Variants in MPND observed in about 807,000 individuals in gnomAD.
MPND encodes MPN domain containing, also known as MPN domain-containing protein.
In MPND, 56 loss-of-function variants were observed where a neutral mutation model predicts 59.2. That is an observed-to-expected ratio of 0.95 (90% CI 0.76 to 1.18). The LOEUF (loss-of-function observed/expected upper bound fraction) is 1.18. Among genes scored for constraint, MPND ranks in the 50% most tolerant of loss-of-function variants. The pLI, the probability that MPND is intolerant of heterozygous loss-of-function variation, is 0.00. For missense variants in MPND, 671 were observed against 676.0 expected (o/e 0.99, Z 0.08); for synonymous variants, 323 against 291.9 (o/e 1.11, Z -1.09).
Position 4,345,785 on chromosome 19 carries a change from T to C in MPND, c.335T>C (p.Ile112Thr). Residue 112 changes from isoleucine to threonine, a missense_variant, in exon 3 of 13, where the codon ATC becomes ACC. Physicochemically the swap from Ile to Thr is moderately conservative, Grantham distance 89 (BLOSUM62 -1). Coordinates refer to ENST00000599840, the MANE Select transcript of MPND (RefSeq NM_001300862.2). ...GGCGACCTGCAGCCAGACGGAAGGA[T>C]CATGTGGCAGGAGACCGGGCAGACC... The part of the protein sequence containing the change: ...FLGDLQPDGR[I>T]MWQETGQTFN... The C allele has an allele frequency of 6.2e-7, 1 of 1,613,846 alleles. No individual in the cohort carries two copies. Among genetic ancestry groups the C allele is most frequent in the Non-Finnish European group, 8.5e-7 (1 of 1,179,978 alleles).
chr19:4,343,645 A>C, intron 1 of MPND, 45 bp downstream of exon 1: 3 of 1,203,332 alleles, frequency 2.5e-6, no homozygotes, highest in Non-Finnish European at 3.1e-6. Flanking sequence ...GCGGGGCTGC[A>C]GGGGCGCGGG....
In MPND at chr19:4,354,393, T is replaced by C; in HGVS notation, c.819T>C (p.Ala273=). The C allele has an allele frequency of 1.3e-6, 2 of 1,560,152 alleles. No homozygotes were observed. Among genetic ancestry groups the C allele is most frequent in the Non-Finnish European group, 1.7e-6 (2 of 1,150,764 alleles). The change falls in exon 6 of 13, where the codon GCT becomes GCC. Residue 273 remains alanine, a synonymous_variant. Transcript: ENST00000599840. ...ACAAGTTCCAGCCGTTCAACGTGGC[T>C]GTTTCTAGCAACGTGCTGTTCCTGC... is the stretch of plus-strand genomic sequence containing the variant. ...AINKFQPFNV[A]VSSNVLFLLD... is the part of the protein sequence containing the mutation.
At chr19:4,358,318 G>C (rs1054915734) in intron 11 of MPND, 146 bp downstream of exon 11, 2 of 693,842 alleles carry the variant, frequency 2.9e-6, no homozygotes, top group Admixed American at 4.7e-5. Context: ...CCATCACTCA[G>C]GACAGAGTCC....
chr19:4,350,464 TGGGATCCAG>T (rs1972292010), intron 3 of MPND, among the ~76,000 whole-genome samples: 1 of 151,432 alleles, frequency 6.6e-6, no homozygotes, highest in African/African-American at 2.4e-5. Context: ...GGGGTTAGGG[TGGGATCCAG>T]GGACCAGGGC....
chr19:4,357,757 G>T, intron 10 of MPND, 172 bp downstream of exon 10: 1 of 663,802 alleles, frequency 1.5e-6, no homozygotes, highest in Non-Finnish European at 2.6e-6. Context: ...GTGAGGTCCT[G>T]GGCGTGGGGC....
At chr19:4,357,980 G>T in intron 10 of MPND, 103 bp from the exon 11 acceptor site, 1 of 897,964 alleles carries the variant, frequency 1.1e-6, no homozygotes. Flanking sequence ...GCTGAGCCGG[G>T]GTGTGCACTC....
At chr19:4,355,544 C>T (rs1344685809) in intron 8 of MPND, among the ~76,000 whole-genome samples, 3 of 152,232 alleles carry the variant, frequency 2.0e-5, no homozygotes, top group Admixed American at 6.5e-5. Context: ...ACCGCGTTAG[C>T]CAGGATGGTC....
In MPND at chr19:4,355,132, CG is replaced by C. The variant is rs1377838658; in HGVS notation, c.957del (p.Leu320SerfsTer88). 1.3e-5 allele frequency: 21 copies of C among 1,613,540 alleles called. No individual in the cohort carries two copies. Among genetic ancestry groups the C allele is most frequent in the Non-Finnish European group, 1.8e-5 (21 of 1,180,004 alleles). On this transcript the variant is annotated frameshift_variant, in exon 8 of 13. Coordinates refer to ENST00000599840, the MANE Select transcript of MPND (RefSeq NM_001300862.2). LOFTEE classifies it high-confidence loss of function. ...TVLRAFPCRS[R>X]LGDAETAAAI... ...GCTCAGAGCCTTCCCTTGTCGGAGC[CG>C]GCTCGGGGACGCAGAGACTGCAGCT...
intron 4 of MPND, among the ~76,000 whole-genome samples, chr19:4,353,419 C>T (rs1026872643): frequency 2.0e-5 from 3 of 152,104 alleles, no homozygotes; most frequent in African/African-American, 4.8e-5. Context: ...AGGCGCCAGC[C>T]GCCACGCCTG....
Position 4,357,281 on chromosome 19 carries a change from T to G in MPND, c.1025T>G (p.Leu342Arg). Residue 342 changes from leucine to arginine, a missense_variant, in exon 9 of 13, where the codon CTG becomes CGG. Transcript: ENST00000599840. ...EIYQSLFLRGLSLVGWYHSHP... is the reference protein window; with the variant it reads ...EIYQSLFLRGRSLVGWYHSHP... ...TACCAGAGCCTGTTCCTGCGGGGCC[T>G]GTCCCTGGTGGGCTGGTACCACAGC... is the stretch of plus-strand genomic sequence containing the variant. 1 of 1,610,562 alleles carries G rather than the reference T, an allele frequency of 6.2e-7. No individual in the cohort carries two copies. The highest frequency in any genetic ancestry group is 1.3e-5 in the African/African-American group (1 of 74,996).
chr19:4,351,176 T>C (rs1214228894), intron 3 of MPND, among the ~76,000 whole-genome samples: 3 of 152,196 alleles, frequency 2.0e-5, no homozygotes, highest in Non-Finnish European at 4.4e-5. Context: ...TGATCTCAGT[T>C]CACTGCAGTC....
chr19:4,346,952 C>T (rs895460752), intron 3 of MPND, among the ~76,000 whole-genome samples: 1 of 151,892 alleles, frequency 6.6e-6, no homozygotes, highest in Non-Finnish European at 1.5e-5. Flanking sequence ...ATCACTTGAA[C>T]CTGCAAGGCG....
At position 4,359,985 on chromosome 19, in the gene MPND, C is replaced by T; in HGVS notation, c.1489C>T (p.Leu497Phe). 4 of 1,565,992 alleles carry T rather than the reference C, an allele frequency of 2.6e-6. No homozygotes were observed. Among genetic ancestry groups the T allele is most frequent in the Non-Finnish European group, 3.5e-6 (4 of 1,154,960 alleles). ...CGTCCTGGAACAGGTGTGCGGCGTC[C>T]TCAAGCAGGGGAGCTGAGCCTTCCA... The part of the protein sequence containing the change: ...CHVLEQVCGV[L>F]KQGS Residue 497 changes from leucine to phenylalanine, a missense_variant, in exon 13 of 13, where the codon CTC becomes TTC. Coordinates refer to ENST00000599840, the MANE Select transcript of MPND (RefSeq NM_001300862.2).
intron 2 of MPND, among the ~76,000 whole-genome samples, chr19:4,344,800 T>G (rs8113766): frequency 1 from 147,707 of 147,754 alleles, 73,830 homozygotes; most frequent in Middle Eastern, 1. Context: ...ATGCAGTTGC[T>G]CGATCTCGGC....
chr19:4,359,290 G>GCCC (rs766181931), intron 12 of MPND, 35 bp downstream of exon 12: 2 of 1,562,020 alleles, frequency 1.3e-6, no homozygotes, highest in Admixed American at 3.4e-5. Flanking sequence ...TCCTAACGGG[G>GCCC]CCCCAGGAGA....
rs756894894 is a variant in MPND at position 4,354,996 on chromosome 19, G to GGGCC, written c.896_899dup (p.Trp301ProfsTer118). The stretch of plus-strand genomic sequence containing the variant: ...GGAGTGAGGTCGTGGGTTACCTGGG[G>GGGCC]GGCCGCTGGGACGTCAACAGCCAGA... On this transcript the variant is annotated frameshift_variant, in exon 7 of 13. Coordinates refer to ENST00000599840, the MANE Select transcript of MPND (RefSeq NM_001300862.2). LOFTEE classifies it high-confidence loss of function. 1 of 1,609,330 alleles carries GGGCC rather than the reference G, an allele frequency of 6.2e-7. No individual in the cohort carries two copies. Among genetic ancestry groups the GGGCC allele is most frequent in the Non-Finnish European group, 8.5e-7 (1 of 1,177,014 alleles).
At chr19:4,353,360 C>T (rs561914936) in intron 4 of MPND, among the ~76,000 whole-genome samples, 16 of 152,188 alleles carry the variant, frequency 1.1e-4, no homozygotes, top group African/African-American at 1.7e-4. Context: ...CTCTGCCTCC[C>T]GGGTTCAAGC....
At chr19:4,350,764 G>A (rs1568396926) in intron 3 of MPND, among the ~76,000 whole-genome samples, 1 of 152,150 alleles carries the variant, frequency 6.6e-6, no homozygotes, top group Non-Finnish European at 1.5e-5. Flanking sequence ...GCTGGGCCCT[G>A]AGTCTGGAGC....
intron 3 of MPND, among the ~76,000 whole-genome samples, chr19:4,349,779 G>A (rs759810653): frequency 2.0e-5 from 3 of 152,220 alleles, no homozygotes; most frequent in Non-Finnish European, 1.5e-5. Context: ...CCAAAGTGCT[G>A]GGATTGCAGG....
Sources: allele counts gnomAD v4.1 joint callset (sites outside exome capture counted in the v4.1 genomes callset), GRCh38; gene constraint gnomAD v4.1.1; transcripts MANE v1.5; gene names NCBI Gene and HGNC (gene_info 2026-07-23, HGNC 2026-07-21).